The following IFRD1 variants were observed in gnomAD, a reference collection of about 807,000 sequenced individuals.
IFRD1 encodes the protein interferon-related developmental regulator 1.
Under a neutral mutation model 52.9 loss-of-function variants are expected in IFRD1, and 35 were observed. The ratio of observed to expected loss-of-function variants is 0.66; its 90% confidence interval spans 0.51 to 0.88. The LOEUF is 0.88. IFRD1 is among the 40% of genes least tolerant of loss of function. The pLI, the probability that IFRD1 is intolerant of heterozygous loss-of-function variation, is 0.00. For missense variants in IFRD1, 517 were observed against 550.8 expected (o/e 0.94, Z 0.61); for synonymous variants, 184 against 188.4 (o/e 0.98, Z 0.19).
At chr7:112,455,682 A>G in intron 1 of IFRD1, 81 bp from the exon 2 acceptor site, 1 of 913,386 alleles carries the variant, frequency 1.1e-6, no homozygotes, top group South Asian at 1.3e-5. Context: ...TTTCTCTTTA[A>G]GTAAACTTAA....
At chr7:112,431,663 C>G (rs1010468305) in intron 1 of IFRD1, among the ~76,000 whole-genome samples, 4 of 152,204 alleles carry the variant, frequency 2.6e-5, no homozygotes, top group Admixed American at 6.5e-5. Context: ...TGTTTCTCCA[C>G]TATCTGCATT....
At chr7:112,431,672 T>C (rs1020230569) in intron 1 of IFRD1, among the ~76,000 whole-genome samples, 1 of 152,218 alleles carries the variant, frequency 6.6e-6, no homozygotes, top group Non-Finnish European at 1.5e-5. Context: ...ACTATCTGCA[T>C]TGATGACCAA....
chr7:112,453,174 G>T (rs893770024), intron 1 of IFRD1, among the ~76,000 whole-genome samples: 1 of 152,146 alleles, frequency 6.6e-6, no homozygotes, highest in Non-Finnish European at 1.5e-5. Context: ...TTACTTTAAT[G>T]AGTTTTCTAT....
Position 112,476,965 on chromosome 7 carries a change from T to C in IFRD1, c.*1446T>C, listed in dbSNP as rs1563275492. On this transcript the variant is annotated 3_prime_UTR_variant, in exon 12 of 12. Transcript: ENST00000403825. ...TGGTGCTCCCTCTAGGTGAAAATCA[T>C]TTGCTGGCTTATGGAGTCACTGTTG... is the stretch of plus-strand genomic sequence containing the variant. The C allele has an allele frequency of 6.6e-6, 1 of 152,140 alleles. No individual in the cohort carries two copies. Among genetic ancestry groups the C allele is most frequent in the Non-Finnish European group, 1.5e-5 (1 of 68,036 alleles). The allele number at this position is 152,140 out of a possible 1,614,324, so 9.4% of individuals were successfully genotyped here. A position where few individuals can be genotyped will look rare whatever the true frequency, so the allele number is the denominator to read the frequency against.
Position 112,475,182 on chromosome 7 carries a change from T to A in IFRD1, c.1267-248T>A, listed in dbSNP as rs1011071465. ...ACCGTGTTAGCCAGGATGGTCTCAATCTCCTGACCTCGTGATTCGCCCACC... is the reference window on the plus strand; with the variant it reads ...ACCGTGTTAGCCAGGATGGTCTCAAACTCCTGACCTCGTGATTCGCCCACC... On this transcript the variant is annotated intron_variant, in intron 11 of 11. Coordinates refer to ENST00000403825, the MANE Select transcript of IFRD1 (RefSeq NM_001550.4). Among the ~76,000 whole-genome samples, 8 of 152,092 alleles carry A rather than the reference T, an allele frequency of 5.3e-5. No individual in the cohort carries two copies. The East Asian group carries it at 1.4e-3, about 26-fold the overall frequency.
chr7:112,447,209 T>C (rs773184581), upstream of IFRD1, among the ~76,000 whole-genome samples: 38 of 152,360 alleles, frequency 2.5e-4, no homozygotes, highest in Middle Eastern at 3.4e-3. Flanking sequence ...AATGTAAGAT[T>C]TATTTTTGCA....
rs1475667381 is a variant in IFRD1, at chr7:112,468,016, G to A, written c.942G>A (p.Gln314=). The A allele has an allele frequency of 6.2e-7, 1 of 1,614,040 alleles. No individual in the cohort carries two copies. The highest frequency in any genetic ancestry group is 8.5e-7 in the Non-Finnish European group (1 of 1,179,942). The change falls in exon 9 of 12, where the codon CAG becomes CAA. Residue 314 remains glutamine (Q), a synonymous_variant. Transcript: ENST00000403825. ...ATGAAGACATGGAGTCCTTGACGCA[G>A]ATGCTTAGGGCCTTGGCAACAGATG... is the stretch of plus-strand genomic sequence containing the variant. ...FFYEDMESLT[Q]MLRALATDGN...
In IFRD1 at chr7:112,469,430, C is replaced by G. The variant is rs142510800; in HGVS notation, c.1041+1315C>G. On this transcript the variant is annotated intron_variant, in intron 9 of 11. Coordinates refer to ENST00000403825, the MANE Select transcript of IFRD1 (RefSeq NM_001550.4). ...ACTCTGGATTTTATAGTCTAAAAAACAAAAAAACCCCTAACTCGAGCAAAT... is the reference window on the plus strand; with the variant it reads ...ACTCTGGATTTTATAGTCTAAAAAAGAAAAAAACCCCTAACTCGAGCAAAT... Among the ~76,000 whole-genome samples the G allele has an allele frequency of 3.8e-3, 573 of 151,936 alleles. 3 individuals carry two copies. The highest frequency in any genetic ancestry group is 0.013 in the African/African-American group (538 of 41,428).
chr7:112,441,434 A>G (rs1794887446), intron 1 of IFRD1, among the ~76,000 whole-genome samples: 1 of 127,406 alleles, frequency 7.8e-6, no homozygotes, highest in African/African-American at 2.5e-5. Flanking sequence ...GCAAGACACC[A>G]TCTCAGAAAA....
chr7:112,456,503 A>G (rs914854389), intron 3 of IFRD1, among the ~76,000 whole-genome samples: 4 of 152,202 alleles, frequency 2.6e-5, no homozygotes, highest in South Asian at 2.1e-4. Flanking sequence ...GTTTCTTTTC[A>G]CTATAGCTTC....
intron 1 of IFRD1, among the ~76,000 whole-genome samples, chr7:112,427,387 G>A (rs2117220125): frequency 6.6e-6 from 1 of 152,324 alleles, no homozygotes; most frequent in South Asian, 2.1e-4. Context: ...CTAGCATGTT[G>A]AGGACAGCAG....
chr7:112,449,625 A>G (rs1043666876), upstream of IFRD1, among the ~76,000 whole-genome samples: 2 of 152,174 alleles, frequency 1.3e-5, no homozygotes, highest in African/African-American at 4.8e-5. Flanking sequence ...GCCTTGAGAA[A>G]AAAGGCAGCA....
chr7:112,455,835 G>A lies in IFRD1; in HGVS notation c.167G>A (p.Gly56Asp). 1 of 1,612,482 alleles carries A rather than the reference G, an allele frequency of 6.2e-7. No individual in the cohort carries two copies. The highest frequency in any genetic ancestry group is 8.5e-7 in the Non-Finnish European group (1 of 1,178,550). Residue 56 changes from glycine to aspartate, a missense_variant, in exon 2 of 12, where the codon GGT becomes GAT. By Grantham distance (94) the Gly-to-Asp change is moderately conservative. Transcript: ENST00000403825. ...ASIETMSHCS[G>D]YSDPSSFAED... ...ATTGAAACAATGAGCCATTGCAGTGGTTATAGCGATCCTTCCAGTTTTGCT... is the reference window on the plus strand; with the variant it reads ...ATTGAAACAATGAGCCATTGCAGTGATTATAGCGATCCTTCCAGTTTTGCT...
intron 6 of IFRD1, 38 bp from the exon 7 acceptor site, chr7:112,461,963 T>G: frequency 6.3e-7 from 1 of 1,595,328 alleles, no homozygotes; most frequent in Non-Finnish European, 8.6e-7. Context: ...TATTTCTAAT[T>G]TAAGATGGTT....
At chr7:112,463,704 T>G (rs948003023) in intron 8 of IFRD1, among the ~76,000 whole-genome samples, 2 of 152,126 alleles carry the variant, frequency 1.3e-5, no homozygotes. Flanking sequence ...TGGCAGTTTC[T>G]TTTCTTTTTT....
intron 9 of IFRD1, 68 bp downstream of exon 9, chr7:112,468,183 A>G (rs1795663769): frequency 2.0e-6 from 3 of 1,497,230 alleles, no homozygotes; most frequent in Admixed American, 1.7e-5. Context: ...GAACTTGACA[A>G]TTGTACCATT....
chr7:112,474,154 T>C (rs1446088528), intron 11 of IFRD1, among the ~76,000 whole-genome samples: 2 of 152,240 alleles, frequency 1.3e-5, no homozygotes, highest in Non-Finnish European at 2.9e-5. Context: ...TAACAGTTGA[T>C]GGACATTTGG....
Position 112,475,537 on chromosome 7 carries a change from A to T in IFRD1, c.*18A>T. On this transcript the variant is annotated 3_prime_UTR_variant, in exon 12 of 12. Coordinates refer to ENST00000403825, the MANE Select transcript of IFRD1 (RefSeq NM_001550.4). Reference sequence around the variant, plus strand: ...TCTTCTAGATTTTCAGAACTTGAAGACTATTTTCTAATTTCTATTTTTTTT... The same window carrying T: ...TCTTCTAGATTTTCAGAACTTGAAGTCTATTTTCTAATTTCTATTTTTTTT... 2 of 1,435,416 alleles carry T rather than the reference A, an allele frequency of 1.4e-6. No individual in the cohort carries two copies. The highest frequency in any genetic ancestry group is 2.0e-6 in the Non-Finnish European group (2 of 1,020,726). 88.9% of individuals were successfully genotyped at this position (1,435,416 alleles called of 1,614,324 possible).
chr7:112,449,324 A>T (rs1405372368), upstream of IFRD1, among the ~76,000 whole-genome samples: 4 of 152,190 alleles, frequency 2.6e-5, no homozygotes, highest in Non-Finnish European at 4.4e-5. Context: ...GGAATTTAAC[A>T]TATGGGAGGA....
Sources: gnomAD v4.1 joint callset for allele counts (sites outside exome capture counted in the v4.1 genomes callset) on GRCh38, gnomAD v4.1.1 for gene constraint, MANE v1.5 for transcripts, NCBI Gene and HGNC (gene_info 2026-07-23, HGNC 2026-07-21) for gene names.